Variants in PDCD10 observed in about 807,000 individuals in gnomAD.
The protein encoded by PDCD10 is programmed cell death 10, also known as programmed cell death protein 10.
Under a neutral mutation model 29.2 loss-of-function variants are expected in PDCD10, and 4 were observed. That is an observed-to-expected ratio of 0.14 (90% confidence interval 0.07 to 0.31). The LOEUF is 0.31. PDCD10 is among the 10% of genes least tolerant of loss of function. The pLI is 1.00. For synonymous variants in PDCD10, 70 were observed against 82.2 expected (o/e 0.85, Z 0.80); for missense variants, 183 against 257.9 (o/e 0.71, Z 1.99).
At chr3:167,719,150 T>A (rs1324699670) in intron 3 of PDCD10, among the ~76,000 whole-genome samples, 1 of 152,140 alleles carries the variant, frequency 6.6e-6, no homozygotes, top group Non-Finnish European at 1.5e-5. Context: ...TTAATGAAAG[T>A]ATTTTACAAA....
intron 6 of PDCD10, among the ~76,000 whole-genome samples, chr3:167,690,526 C>T (rs1199527909): frequency 3.3e-5 from 5 of 152,090 alleles, no homozygotes; most frequent in African/African-American, 9.7e-5. Flanking sequence ...TGTTAAATCA[C>T]GAGTCTCCAC....
At chr3:167,730,971 T>A (rs1724742398) in intron 2 of PDCD10, 1 of 151,928 alleles carries the variant, frequency 6.6e-6, no homozygotes, top group Admixed American at 6.6e-5. Flanking sequence ...ATAGCAAGGT[T>A]AAAAAGCAAG....
intron 3 of PDCD10, among the ~76,000 whole-genome samples, chr3:167,719,266 T>A (rs891652951): frequency 5.9e-5 from 9 of 152,108 alleles, no homozygotes; most frequent in Admixed American, 3.3e-4. Context: ...AGCAAAAAAA[T>A]ATTAAAATTT....
intron 2 of PDCD10, among the ~76,000 whole-genome samples, chr3:167,726,943 C>T (rs1724254147): frequency 6.6e-6 from 1 of 152,168 alleles, no homozygotes; most frequent in Admixed American, 6.5e-5. Flanking sequence ...ATTTTCAAAA[C>T]CTTTTATCTC....
chr3:167,693,583 T>C (rs1024024365), intron 6 of PDCD10, among the ~76,000 whole-genome samples: 1 of 152,118 alleles, frequency 6.6e-6, no homozygotes, highest in Non-Finnish European at 1.5e-5. Flanking sequence ...TTCTGATAGG[T>C]AGAGCCAGGC....
At chr3:167,701,830 A>T (rs1721469963) in intron 4 of PDCD10, among the ~76,000 whole-genome samples, 4 of 152,220 alleles carry the variant, frequency 2.6e-5, no homozygotes, top group Admixed American at 2.6e-4. Flanking sequence ...CTGTGTCCAC[A>T]TGTTGTGCAT....
chr3:167,733,778 T>C (rs984447967), intron 2 of PDCD10, among the ~76,000 whole-genome samples: 2 of 152,128 alleles, frequency 1.3e-5, no homozygotes, highest in African/African-American at 2.4e-5. Context: ...CTTCTAAGGA[T>C]GGGATATATT....
intron 3 of PDCD10, among the ~76,000 whole-genome samples, chr3:167,707,664 C>T (rs533560685): frequency 1.3e-5 from 2 of 152,058 alleles, no homozygotes; most frequent in South Asian, 2.1e-4. Context: ...GGCGACAGAG[C>T]GAGACTCTCC....
At chr3:167,713,377 C>A (rs1722711329) in intron 3 of PDCD10, among the ~76,000 whole-genome samples, 1 of 151,872 alleles carries the variant, frequency 6.6e-6, no homozygotes, top group African/African-American at 2.4e-5. Context: ...TGAAAAATTT[C>A]TTGAAACAAG....
intron 3 of PDCD10, among the ~76,000 whole-genome samples, chr3:167,717,113 C>T (rs1723102566): frequency 6.6e-6 from 1 of 152,006 alleles, no homozygotes; most frequent in African/African-American, 2.4e-5. Flanking sequence ...AACTCCACAG[C>T]AGCTGATTAA....
intron 3 of PDCD10, among the ~76,000 whole-genome samples, chr3:167,719,431 T>C (rs1382329171): frequency 6.6e-6 from 1 of 152,090 alleles, no homozygotes; most frequent in Admixed American, 6.6e-5. Context: ...TCCAGAATTC[T>C]CTACATACCT....
chr3:167,720,196 G>C lies in PDCD10; in HGVS notation c.-39C>G. 4 of 1,337,358 alleles carry C rather than the reference G, an allele frequency of 3.0e-6. No homozygotes were observed. Among genetic ancestry groups the C allele is most frequent in the Non-Finnish European group, 4.3e-6 (4 of 928,270 alleles). 82.8% of individuals were successfully genotyped at this position (1,337,358 alleles called of 1,614,324 possible). Reference sequence around the variant, plus strand: ...ACAGTTGAAAAAGCAGTGCTAAAATGCAGAGGAATCTTCATTCACTGCAAT... The same window carrying C: ...ACAGTTGAAAAAGCAGTGCTAAAATCCAGAGGAATCTTCATTCACTGCAAT... On this transcript the variant is annotated 5_prime_UTR_variant, in exon 3 of 9. Transcript: ENST00000392750.
At chr3:167,722,085 G>T (rs1034690559) in intron 2 of PDCD10, among the ~76,000 whole-genome samples, 1 of 152,076 alleles carries the variant, frequency 6.6e-6, no homozygotes, top group Non-Finnish European at 1.5e-5. Flanking sequence ...GGGAAAAGGA[G>T]GATGGCTAAA....
In PDCD10 at chr3:167,695,740, T is replaced by C. The variant is rs369583858; in HGVS notation, c.269-18A>G. The C allele has an allele frequency of 1.2e-6, 2 of 1,611,662 alleles. No homozygotes were observed. Among genetic ancestry groups the C allele is most frequent in the African/African-American group, 2.7e-5 (2 of 74,834 alleles). On this transcript the variant is annotated intron_variant, in intron 5 of 8. Transcript: ENST00000392750. ...CATATACTCTGATAAAATAAATACATAATAAAAAACATCCTGCGACTCTCT... is the reference window on the plus strand; with the variant it reads ...CATATACTCTGATAAAATAAATACACAATAAAAAACATCCTGCGACTCTCT...
At chr3:167,694,778 A>C (rs1163721837) in intron 6 of PDCD10, 1 of 152,456 alleles carries the variant, frequency 6.6e-6, no homozygotes, top group Non-Finnish European at 1.5e-5. Context: ...ATTTATTCCA[A>C]GTGAGTCTCC....
intron 2 of PDCD10, among the ~76,000 whole-genome samples, chr3:167,728,200 T>C (rs763541495): frequency 2.7e-5 from 4 of 149,244 alleles, no homozygotes; most frequent in Admixed American, 1.3e-4. Flanking sequence ...GATTTTAATA[T>C]GGATAAAGAC....
In PDCD10 at chr3:167,734,814, G is replaced by C. The variant is rs528065953; in HGVS notation, c.-406C>G. 1.9e-5 allele frequency: 3 copies of C among 154,040 alleles called. No individual in the cohort carries two copies. The highest frequency in any genetic ancestry group is 2.1e-4 in the South Asian group (1 of 4,842). 9.5% of individuals were successfully genotyped at this position (154,040 alleles called of 1,614,324 possible). ...GAACAGCTACACCTTACCAGCAACT[G>C]AGGCACTGACTTCACTTCCCACCTT... is the stretch of plus-strand genomic sequence containing the variant. On this transcript the variant is annotated 5_prime_UTR_variant, in exon 1 of 9. Transcript: ENST00000392750.
intron 4 of PDCD10, among the ~76,000 whole-genome samples, chr3:167,700,049 T>C (rs896099921): frequency 6.6e-6 from 1 of 152,190 alleles, no homozygotes; most frequent in Non-Finnish European, 1.5e-5. Flanking sequence ...GCAAACAGAC[T>C]GTACATGGTG....
At chr3:167,689,753 G>C (rs1046160122) in intron 6 of PDCD10, among the ~76,000 whole-genome samples, 1 of 152,100 alleles carries the variant, frequency 6.6e-6, no homozygotes, top group African/African-American at 2.4e-5. Context: ...TGCCTTATTG[G>C]AACAGAGCTC....
Sources: gnomAD v4.1 joint callset for allele counts (sites outside exome capture counted in the v4.1 genomes callset) on GRCh38, gnomAD v4.1.1 for gene constraint, MANE v1.5 for transcripts, NCBI Gene and HGNC (gene_info 2026-07-23, HGNC 2026-07-21) for gene names.